Variants in NTN1 observed in about 807,000 individuals in gnomAD.
NTN1 encodes netrin-1.
Under a neutral mutation model 54.2 loss-of-function variants are expected in NTN1, and 11 were observed. The observed-to-expected ratio is 0.20, with a 90% confidence interval of 0.13 to 0.34. The LOEUF is 0.34. Ranked by LOEUF, NTN1 falls within the 10% of genes least tolerant of loss-of-function variation. The pLI is 1.00. For missense variants in NTN1, 740 were observed against 893.1 expected (o/e 0.83, Z 2.18); for synonymous variants, 371 against 382.0 (o/e 0.97, Z 0.33).
intron 2 of NTN1, among the ~76,000 whole-genome samples, chr17:9,040,964 A>G (rs962687422): frequency 7.9e-5 from 12 of 152,106 alleles, no homozygotes; most frequent in Non-Finnish European, 1.8e-4. Flanking sequence ...GGTGTGCACC[A>G]TGCCCAGCTA....
intron 6 of NTN1, among the ~76,000 whole-genome samples, chr17:9,238,588 G>C (rs1906074309): frequency 6.6e-6 from 1 of 152,142 alleles, no homozygotes; most frequent in Admixed American, 6.5e-5. Context: ...ACCAACCAAA[G>C]GGTTCTGCAG....
chr17:9,031,698 A>T (rs1180868695), intron 2 of NTN1, among the ~76,000 whole-genome samples: 1 of 152,120 alleles, frequency 6.6e-6, no homozygotes, highest in Non-Finnish European at 1.5e-5. Flanking sequence ...TAATCCTAGC[A>T]CTTTGGGAGG....
chr17:9,118,410 C>T (rs1032910986), intron 2 of NTN1, among the ~76,000 whole-genome samples: 14 of 151,936 alleles, frequency 9.2e-5, no homozygotes, highest in Admixed American at 4.6e-4. Context: ...CCCAGCTATC[C>T]GGGAGGCTGA....
At position 9,219,838 on chromosome 17, in the gene NTN1, CGT is replaced by C. The variant is rs970661632; in HGVS notation, c.1412-1322_1412-1321del. Among the ~76,000 whole-genome samples the C allele has an allele frequency of 2.6e-5, 4 of 151,788 alleles. No individual in the cohort carries two copies. Among genetic ancestry groups the C allele is most frequent in the African/African-American group, 9.7e-5 (4 of 41,378 alleles). Reference sequence around the variant, plus strand: ...TGGAGCAGCCGCCCGTGTGTGTGCACGTGTGTGTGCACGTGTGTGTTGAATCT... The same window carrying C: ...TGGAGCAGCCGCCCGTGTGTGTGCACGTGTGTGCACGTGTGTGTTGAATCT... On this transcript the variant is annotated intron_variant, in intron 5 of 6. Coordinates refer to ENST00000173229, the MANE Select transcript of NTN1 (RefSeq NM_004822.3). The surrounding 1 kb of genome is among the most constrained non-coding windows in gnomAD (Gnocchi z 4.5).
intron 2 of NTN1, among the ~76,000 whole-genome samples, chr17:9,060,645 T>G (rs2091994362): frequency 6.6e-6 from 1 of 152,138 alleles, no homozygotes; most frequent in South Asian, 2.1e-4. Context: ...TCATAATATC[T>G]GTTTTGCCAT....
intron 5 of NTN1, among the ~76,000 whole-genome samples, chr17:9,215,116 A>G (rs541892952): frequency 1.3e-5 from 2 of 152,178 alleles, no homozygotes; most frequent in Non-Finnish European, 2.9e-5. Flanking sequence ...ATCGAGCATG[A>G]AATAGCATTT....
At chr17:9,082,447 T>G (rs62069329) in intron 2 of NTN1, among the ~76,000 whole-genome samples, 6,932 of 152,328 alleles carry the variant, frequency 0.046, 216 homozygotes, top group Non-Finnish European at 0.068. Flanking sequence ...ATTTTGTAAA[T>G]GTAGTGACTG....
chr17:9,152,496 G>A (rs901996202), intron 2 of NTN1, among the ~76,000 whole-genome samples: 1 of 152,096 alleles, frequency 6.6e-6, no homozygotes, highest in African/African-American at 2.4e-5. Context: ...AAGCCTGCAG[G>A]GTCATCCCGC....
chr17:9,116,891 A>G (rs1163263063), intron 2 of NTN1, among the ~76,000 whole-genome samples: 1 of 152,240 alleles, frequency 6.6e-6, no homozygotes, highest in Non-Finnish European at 1.5e-5. Context: ...ATTTGTAAGC[A>G]TGGGGCACAT....
At chr17:9,018,475 T>TA (rs1381547450), upstream of NTN1, among the ~76,000 whole-genome samples, 3 of 151,646 alleles carry the variant, frequency 2.0e-5, no homozygotes, top group Non-Finnish European at 4.4e-5. Flanking sequence ...CTACTAAAAA[T>TA]ACAAAAAAAT....
chr17:9,106,775 A>G (rs1398048291), intron 2 of NTN1, among the ~76,000 whole-genome samples: 1 of 152,234 alleles, frequency 6.6e-6, no homozygotes, highest in Non-Finnish European at 1.5e-5. Context: ...TTGGCCTCCC[A>G]AAGTGCTGGG....
chr17:9,189,287 C>T (rs8065579), intron 5 of NTN1, among the ~76,000 whole-genome samples: 137,212 of 152,310 alleles, frequency 0.9, 61,878 homozygotes, highest in East Asian at 1. Context: ...GGATCCCGGC[C>T]GTGGTTGCCT....
chr17:9,206,839 C>T (rs1237564257), intron 5 of NTN1, among the ~76,000 whole-genome samples: 7 of 152,234 alleles, frequency 4.6e-5, no homozygotes, highest in Admixed American at 4.6e-4. Flanking sequence ...GAAGATTTAT[C>T]GGCTCCTGCT....
chr17:9,096,916 A>G (rs9905719), intron 2 of NTN1, among the ~76,000 whole-genome samples: 123,336 of 152,148 alleles, frequency 0.81, 50,379 homozygotes, highest in East Asian at 0.96. Flanking sequence ...TTGGTAATAC[A>G]TAATTGAAAA....
At position 9,034,827 on chromosome 17, in the gene NTN1, G is replaced by A. The variant is rs191716693; in HGVS notation, c.1018+11436G>A. Among the ~76,000 whole-genome samples, 65 of 152,304 alleles carry A rather than the reference G, an allele frequency of 4.3e-4. 1 individual carries two copies. In the East Asian group the frequency reaches 7.9e-3, roughly 19 times the overall value. ...GACTATTCATGATATGCACACGCTT[G>A]TATAACCAGCACCCGCATCAAGAAC... On this transcript the variant is annotated intron_variant, in intron 2 of 6. Coordinates refer to ENST00000173229, the MANE Select transcript of NTN1 (RefSeq NM_004822.3).
At chr17:9,237,995 A>G (rs1197695164) in intron 6 of NTN1, among the ~76,000 whole-genome samples, 2 of 152,048 alleles carry the variant, frequency 1.3e-5, no homozygotes, top group Non-Finnish European at 2.9e-5. Flanking sequence ...ATACGGGAAA[A>G]TCCGCTTCCC....
chr17:9,207,326 A>G (rs556694297), intron 5 of NTN1, among the ~76,000 whole-genome samples: 2 of 152,326 alleles, frequency 1.3e-5, no homozygotes, highest in South Asian at 4.1e-4. Flanking sequence ...TGAGTGAGAA[A>G]TATCTTTGGG....
intron 2 of NTN1, among the ~76,000 whole-genome samples, chr17:9,113,785 G>A (rs2092200322): frequency 6.6e-6 from 1 of 152,240 alleles, no homozygotes; most frequent in South Asian, 2.1e-4. Flanking sequence ...GATGTTCACT[G>A]CAATGTTGTT....
chr17:9,064,000 G>T (rs1278683833), intron 2 of NTN1, among the ~76,000 whole-genome samples: 1 of 152,178 alleles, frequency 6.6e-6, no homozygotes, highest in Non-Finnish European at 1.5e-5. Flanking sequence ...AGAAATACAA[G>T]CATCCTAACT....
Sources: gnomAD v4.1 joint callset for allele counts (sites outside exome capture counted in the v4.1 genomes callset) on GRCh38, gnomAD v4.1.1 for gene constraint, Gnocchi (gnomAD v3.1) non-coding constraint, MANE v1.5 for transcripts, NCBI Gene and HGNC (gene_info 2026-07-23, HGNC 2026-07-21) for gene names.